Variants in ELAVL2 observed in about 807,000 individuals in gnomAD.
ELAVL2 encodes the protein ELAV-like protein 2.
Under a neutral mutation model 34.6 loss-of-function variants are expected in ELAVL2, and 4 were observed. That is an observed-to-expected ratio of 0.12 (90% CI 0.06 to 0.26). The LOEUF is 0.26. ELAVL2 is among the 10% of genes least tolerant of loss of function. The pLI, the probability that ELAVL2 is intolerant of heterozygous loss-of-function variation, is 1.00. For missense variants in ELAVL2, 432 were observed against 442.8 expected, an observed-to-expected ratio of 0.98 and a Z score of 0.22; for synonymous variants, 193 against 154.8, an observed-to-expected ratio of 1.25 and a Z score of -1.83.
At chr9:23,799,709 C>A (rs1394604370) in intron 1 of ELAVL2, among the ~76,000 whole-genome samples, 3 of 152,216 alleles carry the variant, frequency 2.0e-5, no homozygotes, top group African/African-American at 7.2e-5. Context: ...AATTGCCTTA[C>A]CACACCCAAG....
chr9:23,750,578 AACCTAATACTCAGGTTC>A (rs1224741572), intron 2 of ELAVL2, among the ~76,000 whole-genome samples: 1 of 152,156 alleles, frequency 6.6e-6, no homozygotes, highest in African/African-American at 2.4e-5. Flanking sequence ...AAAAAGAGCT[AACCTAATACTCAGGTTC>A]ACAAAAGAAA....
At chr9:23,785,834 A>C (rs2059612077) in intron 1 of ELAVL2, among the ~76,000 whole-genome samples, 1 of 152,226 alleles carries the variant, frequency 6.6e-6, no homozygotes, top group Admixed American at 6.5e-5. Context: ...TTGATAGAGG[A>C]AGAGACACTG....
intron 1 of ELAVL2, among the ~76,000 whole-genome samples, chr9:23,778,243 G>A (rs1349178020): frequency 1.3e-5 from 2 of 152,194 alleles, no homozygotes; most frequent in Non-Finnish European, 2.9e-5. Context: ...AAAGTGGCAA[G>A]GGATAGACAA....
Position 23,690,758 on chromosome 9 carries a change from C to T in ELAVL2, c.*1799G>A, listed in dbSNP as rs542865143. On this transcript the variant is annotated 3_prime_UTR_variant, in exon 7 of 7. Coordinates refer to ENST00000397312, the MANE Select transcript of ELAVL2 (RefSeq NM_004432.5). ...ATCTCAGTTTATACAAAAAGCAGGA[C>T]GTAACTATATAGTTCTCAGTGCATC... 1 of 152,538 alleles carries T rather than the reference C, an allele frequency of 6.6e-6. No individual in the cohort carries two copies. The highest frequency in any genetic ancestry group is 6.5e-5 in the Admixed American group (1 of 15,276). 9.4% of individuals were successfully genotyped at this position (152,538 alleles called of 1,614,324 possible).
intron 1 of ELAVL2, among the ~76,000 whole-genome samples, chr9:23,807,710 C>T (rs1014716514): frequency 8.5e-5 from 13 of 152,150 alleles, no homozygotes; most frequent in African/African-American, 3.1e-4. Flanking sequence ...TGACAAAACA[C>T]AACTGTGGAT....
At chr9:23,706,725 T>A (rs760558472) in intron 3 of ELAVL2, among the ~76,000 whole-genome samples, 1 of 152,208 alleles carries the variant, frequency 6.6e-6, no homozygotes, top group Non-Finnish European at 1.5e-5. Context: ...TACCCACCTT[T>A]AATCCAGTTA....
intron 1 of ELAVL2, among the ~76,000 whole-genome samples, chr9:23,812,109 T>TG (rs1358356518): frequency 6.6e-6 from 1 of 151,794 alleles, no homozygotes; most frequent in African/African-American, 2.4e-5. Flanking sequence ...AATGCAAGAG[T>TG]GGGGAGTGTG....
intron 2 of ELAVL2, among the ~76,000 whole-genome samples, chr9:23,736,626 C>T (rs1999099): frequency 0.99 from 150,416 of 152,296 alleles, 74,284 homozygotes; most frequent in East Asian, 1. Flanking sequence ...AGTTCTGCCA[C>T]ACCCGCATCA....
At chr9:23,733,393 G>A (rs751934278) in intron 2 of ELAVL2, among the ~76,000 whole-genome samples, 78 of 152,138 alleles carry the variant, frequency 5.1e-4, no homozygotes, top group Non-Finnish European at 1.0e-3. Flanking sequence ...TGAAGCATTG[G>A]TACTAGCTTT....
At chr9:23,728,060 C>G (rs779858471) in intron 3 of ELAVL2, among the ~76,000 whole-genome samples, 1 of 151,986 alleles carries the variant, frequency 6.6e-6, no homozygotes, top group African/African-American at 2.4e-5. Context: ...GATCAGAAGA[C>G]AAGGATTTGT....
At chr9:23,754,871 G>A (rs2053159750) in intron 2 of ELAVL2, among the ~76,000 whole-genome samples, 1 of 152,110 alleles carries the variant, frequency 6.6e-6, no homozygotes, top group Non-Finnish European at 1.5e-5. Context: ...TTTCCCATGG[G>A]AAGATGTCTC....
chr9:23,812,672 G>A (rs967589617), intron 1 of ELAVL2, among the ~76,000 whole-genome samples: 2 of 150,584 alleles, frequency 1.3e-5, no homozygotes, highest in Admixed American at 6.6e-5. Context: ...TACCTACAAT[G>A]ATTTTTTAAA....
At chr9:23,782,684 A>T (rs572842523) in intron 1 of ELAVL2, among the ~76,000 whole-genome samples, 1 of 152,366 alleles carries the variant, frequency 6.6e-6, no homozygotes, top group South Asian at 2.1e-4. Context: ...GAAGACAATT[A>T]GCGTACGTTC....
At chr9:23,709,463 T>C (rs555155036) in intron 3 of ELAVL2, among the ~76,000 whole-genome samples, 1 of 150,982 alleles carries the variant, frequency 6.6e-6, no homozygotes, top group Admixed American at 6.7e-5. Flanking sequence ...TTTTTTTTTT[T>C]CCTGTGGATT....
the ELAVL2 span, among the ~76,000 whole-genome samples, chr9:23,837,876 A>C: frequency 1.3e-5 from 2 of 152,176 alleles, no homozygotes; most frequent in Non-Finnish European, 2.9e-5. Flanking sequence ...GAGAAAATTT[A>C]TAGTTGGATG....
At chr9:23,762,753 A>T (rs1416763384) in intron 1 of ELAVL2, among the ~76,000 whole-genome samples, 2 of 152,170 alleles carry the variant, frequency 1.3e-5, no homozygotes. Context: ...AAAGAGCAAG[A>T]GTACTTTTAA....
At chr9:23,804,867 T>C (rs1180580813) in intron 1 of ELAVL2, among the ~76,000 whole-genome samples, 6 of 152,214 alleles carry the variant, frequency 3.9e-5, no homozygotes, top group Non-Finnish European at 8.8e-5. Flanking sequence ...GCATCAGTTC[T>C]GAATGTATAT....
intron 2 of ELAVL2, among the ~76,000 whole-genome samples, chr9:23,742,079 G>C (rs945747955): frequency 6.6e-6 from 1 of 152,140 alleles, no homozygotes; most frequent in Non-Finnish European, 1.5e-5. Context: ...GAAACCTTTT[G>C]AACCATAATA....
chr9:23,696,021 C>G (rs1326600339), intron 5 of ELAVL2, among the ~76,000 whole-genome samples: 2 of 152,150 alleles, frequency 1.3e-5, no homozygotes, highest in African/African-American at 4.8e-5. Flanking sequence ...CTTTTTTACC[C>G]TATCTGTGAA....
Sources: allele counts gnomAD v4.1 joint callset (sites outside exome capture counted in the v4.1 genomes callset), GRCh38; gene constraint gnomAD v4.1.1; transcripts MANE v1.5; gene names NCBI Gene and HGNC (gene_info 2026-07-23, HGNC 2026-07-21).